Variants in CNOT2 observed in about 807,000 individuals in gnomAD.
CNOT2 encodes CC chemokine receptor 4-negative regulator of transcription 2.
CNOT2 carries 7 observed loss-of-function variants against 72.1 expected under a neutral mutation model. That is an observed-to-expected ratio of 0.10 (90% confidence interval 0.06 to 0.18). The LOEUF (loss-of-function observed/expected upper bound fraction) is 0.18. Ranked by LOEUF, CNOT2 falls within the 10% of genes least tolerant of loss-of-function variation. The pLI is 1.00. For missense variants in CNOT2, 345 were observed against 660.3 expected (o/e 0.52, Z 5.23); for synonymous variants, 196 against 225.6 (o/e 0.87, Z 1.17).
intron 6 of CNOT2, chr12:70,330,992 C>A (rs1188951869): frequency 1.3e-5 from 2 of 152,058 alleles, no homozygotes; most frequent in Non-Finnish European, 2.9e-5. Context: ...TACTTTTTCA[C>A]TTCTCTTTGT....
chr12:70,244,674 A>T (rs936204729), intron 1 of CNOT2, among the ~76,000 whole-genome samples: 4 of 152,192 alleles, frequency 2.6e-5, no homozygotes, highest in African/African-American at 9.7e-5. Flanking sequence ...TCATTTTCAT[A>T]AAAGTCTTGG....
chr12:70,276,904 A>G (rs1462157493), intron 1 of CNOT2, among the ~76,000 whole-genome samples: 1 of 152,018 alleles, frequency 6.6e-6, no homozygotes, highest in East Asian at 1.9e-4. Flanking sequence ...GCCAGAAGAT[A>G]GGTTTTTGTC....
chr12:70,245,761 A>G (rs1593010009), intron 1 of CNOT2, among the ~76,000 whole-genome samples: 1 of 152,294 alleles, frequency 6.6e-6, no homozygotes, highest in South Asian at 2.1e-4. Flanking sequence ...TCAGAATGAT[A>G]CAACTTCCCA....
intron 1 of CNOT2, among the ~76,000 whole-genome samples, chr12:70,277,528 G>T (rs112887673): frequency 6.6e-6 from 1 of 152,040 alleles, no homozygotes; most frequent in African/African-American, 2.4e-5. Flanking sequence ...AAAGACAAAA[G>T]CATCAAAGGA....
chr12:70,331,796 C>CA (rs968502292), intron 6 of CNOT2: 9 of 151,638 alleles, frequency 5.9e-5, no homozygotes, highest in Non-Finnish European at 1.3e-4. Context: ...AGTCAAAACC[C>CA]AAAAAACCCT....
chr12:70,301,292 T>A (rs1332216117), intron 2 of CNOT2, among the ~76,000 whole-genome samples: 1 of 152,222 alleles, frequency 6.6e-6, no homozygotes, highest in Non-Finnish European at 1.5e-5. Context: ...CATCCTTCTC[T>A]TGTGCCAGTT....
At chr12:70,302,579 G>C (rs541784064) in intron 2 of CNOT2, among the ~76,000 whole-genome samples, 4 of 152,334 alleles carry the variant, frequency 2.6e-5, no homozygotes, top group Non-Finnish European at 5.9e-5. Flanking sequence ...TGGTCTGAGA[G>C]ACAGTTTGTT....
chr12:70,280,425 TTGA>T (rs1259550047), intron 2 of CNOT2, among the ~76,000 whole-genome samples: 1 of 152,150 alleles, frequency 6.6e-6, no homozygotes, highest in East Asian at 1.9e-4. Context: ...ATCTTCCGAA[TTGA>T]TGAAAATGAT....
chr12:70,324,737 T>C (rs1211952735), intron 4 of CNOT2, among the ~76,000 whole-genome samples: 1 of 151,866 alleles, frequency 6.6e-6, no homozygotes, highest in Non-Finnish European at 1.5e-5. Flanking sequence ...GCTCCATCCA[T>C]GTTTCTTGTC....
At position 70,325,663 on chromosome 12, in the gene CNOT2, A is replaced by G. The variant is rs139686967; in HGVS notation, c.239-3760A>G. Reference sequence around the variant, plus strand: ...ATAAGGAAATAATTTTACAGGAATCATTAACCAGCTAAGTGCAAGACAGGT... The same window carrying G: ...ATAAGGAAATAATTTTACAGGAATCGTTAACCAGCTAAGTGCAAGACAGGT... On this transcript the variant is annotated intron_variant, in intron 4 of 15. Coordinates refer to ENST00000229195, the MANE Select transcript of CNOT2 (RefSeq NM_014515.7). Among the ~76,000 whole-genome samples, 128 of 151,996 alleles carry G rather than the reference A, an allele frequency of 8.4e-4. 1 individual carries two copies. Among genetic ancestry groups the G allele is most frequent in the African/African-American group, 2.9e-3 (121 of 41,510 alleles).
chr12:70,301,096 A>C (rs142291165), intron 2 of CNOT2, among the ~76,000 whole-genome samples: 99 of 152,204 alleles, frequency 6.5e-4, no homozygotes, highest in East Asian at 6.2e-3. Context: ...GCTGAAGTTG[A>C]TTATCAGCTT....
intron 15 of CNOT2, among the ~76,000 whole-genome samples, chr12:70,353,603 T>TA (rs917173787): frequency 3.3e-5 from 5 of 152,126 alleles, no homozygotes; most frequent in African/African-American, 1.2e-4. Flanking sequence ...TCTCTTGACT[T>TA]ACACACAGAA....
rs972921123 is a variant in CNOT2, at chr12:70,352,284, C to T, written c.1537-1545C>T. ...ACTTGTCCAAGTTACTTGTAAGCCT[C>T]ATTTTCTTCAGGTACAAAATGAAAA... On this transcript the variant is annotated intron_variant, in intron 15 of 15. Coordinates refer to ENST00000229195, the MANE Select transcript of CNOT2 (RefSeq NM_014515.7). Among the ~76,000 whole-genome samples, 7 of 152,146 alleles carry T rather than the reference C, an allele frequency of 4.6e-5. No homozygotes were observed. In the East Asian group the frequency reaches 1.2e-3, roughly 25 times the overall value.
chr12:70,278,164 A>T lies in CNOT2; in HGVS notation c.-63A>T. 1 of 1,294,962 alleles carries T rather than the reference A, an allele frequency of 7.7e-7. No homozygotes were observed. Among genetic ancestry groups the T allele is most frequent in the Non-Finnish European group, 1.1e-6 (1 of 899,636 alleles). The allele number at this position is 1,294,962 out of a possible 1,614,324, so 80.2% of individuals were successfully genotyped here. ...CGTGGTGGGCGGTCCTTCCTGTGACACGACCCTTGAGTGACAGTTCTATTT... is the reference window on the plus strand; with the variant it reads ...CGTGGTGGGCGGTCCTTCCTGTGACTCGACCCTTGAGTGACAGTTCTATTT... On this transcript the variant is annotated 5_prime_UTR_variant, in exon 2 of 16. Transcript: ENST00000229195.
intron 2 of CNOT2, among the ~76,000 whole-genome samples, chr12:70,308,555 T>TTCTTTCTTTC (rs1555199527): frequency 7.4e-6 from 1 of 134,256 alleles, no homozygotes; most frequent in Non-Finnish European, 1.6e-5. Context: ...TTGGTATATT[T>TTCTTTCTTTC]TCTCTCTCTC....
intron 5 of CNOT2, 170 bp downstream of exon 5, chr12:70,329,740 A>G: frequency 1.7e-6 from 1 of 585,188 alleles, no homozygotes; most frequent in Admixed American, 2.9e-5. Flanking sequence ...TAAGTACAGT[A>G]CAAGTGGTTT....
At chr12:70,274,827 C>G (rs1352704921) in intron 1 of CNOT2, among the ~76,000 whole-genome samples, 1 of 152,002 alleles carries the variant, frequency 6.6e-6, no homozygotes, top group Non-Finnish European at 1.5e-5. Context: ...CAAAAATGCA[C>G]TTAAGATTCA....
At chr12:70,335,667 T>A in intron 8 of CNOT2, 104 bp downstream of exon 8, 2 of 773,564 alleles carry the variant, frequency 2.6e-6, no homozygotes, top group South Asian at 4.2e-5. Flanking sequence ...TGTACACATG[T>A]ATGTTTGCAT....
intron 11 of CNOT2, among the ~76,000 whole-genome samples, chr12:70,339,676 G>T (rs2136059005): frequency 6.6e-6 from 1 of 152,220 alleles, no homozygotes; most frequent in East Asian, 1.9e-4. Context: ...ATTATACCTT[G>T]CATGCTTAGT....
Sources: gnomAD v4.1 joint callset for allele counts (sites outside exome capture counted in the v4.1 genomes callset) on GRCh38, gnomAD v4.1.1 for gene constraint, MANE v1.5 for transcripts, NCBI Gene and HGNC (gene_info 2026-07-23, HGNC 2026-07-21) for gene names.